Variants in ITPR2 observed in about 807,000 individuals in gnomAD.
ITPR2 encodes the protein inositol 1,4,5-trisphosphate-gated calcium channel ITPR2.
In ITPR2, 207 loss-of-function variants were observed where a neutral mutation model predicts 317.1. The ratio of observed to expected loss-of-function variants is 0.65; its 90% CI spans 0.58 to 0.73. The LOEUF (loss-of-function observed/expected upper bound fraction) is 0.73, where lower values mean the gene tolerates loss of function less well. Ranked by LOEUF, ITPR2 falls within the 30% of genes least tolerant of loss-of-function variation. ITPR2 has a pLI of 0.00. For missense variants in ITPR2, 2,613 were observed against 3,284.0 expected (o/e 0.80, Z 4.99); for synonymous variants, 1,156 against 1,149.1 (o/e 1.01, Z -0.12).
chr12:26,356,032 T>G (rs915418469), intron 55 of ITPR2, among the ~76,000 whole-genome samples: 1 of 152,354 alleles, frequency 6.6e-6, no homozygotes, highest in African/African-American at 2.4e-5. Context: ...AAATCTGAAT[T>G]GAGTACAGAC....
intron 39 of ITPR2, among the ~76,000 whole-genome samples, chr12:26,492,941 A>T (rs1475759844): frequency 6.7e-6 from 1 of 149,846 alleles, no homozygotes; most frequent in Non-Finnish European, 1.5e-5. Context: ...ATATATATAT[A>T]TAAAAGCATC....
At chr12:26,552,479 G>A (rs1173034034) in intron 36 of ITPR2, among the ~76,000 whole-genome samples, 2 of 152,180 alleles carry the variant, frequency 1.3e-5, no homozygotes, top group African/African-American at 4.8e-5. Context: ...ATCACACCCA[G>A]CTCAATGGTG....
At chr12:26,769,784 G>T (rs1949806572) in intron 2 of ITPR2, among the ~76,000 whole-genome samples, 1 of 152,082 alleles carries the variant, frequency 6.6e-6, no homozygotes, top group South Asian at 2.1e-4. Context: ...TGACACAAGA[G>T]AAGACCGGAT....
intron 55 of ITPR2, among the ~76,000 whole-genome samples, chr12:26,367,073 G>A (rs560456640): frequency 5.5e-4 from 84 of 152,292 alleles, no homozygotes; most frequent in African/African-American, 1.9e-3. Context: ...CAGAGTGACT[G>A]TAGTGGCTTC....
intron 2 of ITPR2, among the ~76,000 whole-genome samples, chr12:26,735,148 GC>G (rs2137070374): frequency 6.6e-6 from 1 of 152,184 alleles, no homozygotes; most frequent in African/African-American, 2.4e-5. Flanking sequence ...TTACAGGCAT[GC>G]ATCACCACAC....
chr12:26,657,862 C>T lies in ITPR2; in HGVS notation c.2037G>A (p.Met679Ile), dbSNP rs777460753. The change falls in exon 18 of 57, where the codon ATG becomes ATA. Residue 679 changes from methionine (M) to isoleucine (I), a missense_variant. Met to Ile is a conservative substitution (Grantham distance 10). Transcript: ENST00000381340. Reference sequence around the variant, plus strand: ...TGTCATCTGAAAGGATGGAGCTCTCCATGGGGTTGTCTGCTTGCATTGAGA... The same window carrying T: ...TGTCATCTGAAAGGATGGAGCTCTCTATGGGGTTGTCTGCTTGCATTGAGA... Reference protein sequence around the residue: ...KVVSMQADNPMESSILSDDID... With the variant: ...KVVSMQADNPIESSILSDDID... 3 of 1,614,118 alleles carry T rather than the reference C, an allele frequency of 1.9e-6. No homozygotes were observed. The highest frequency in any genetic ancestry group is 2.7e-5 in the African/African-American group (2 of 75,042).
intron 21 of ITPR2, among the ~76,000 whole-genome samples, chr12:26,640,617 ATC>A (rs1225770920): frequency 2.0e-5 from 3 of 152,168 alleles, no homozygotes; most frequent in Non-Finnish European, 4.4e-5. Context: ...ATAAATCTGA[ATC>A]TCTGTTATTG....
intron 55 of ITPR2, among the ~76,000 whole-genome samples, chr12:26,352,221 T>C (rs1938505535): frequency 6.6e-6 from 1 of 152,168 alleles, no homozygotes; most frequent in Non-Finnish European, 1.5e-5. Context: ...TTGCCTGAGA[T>C]TTTCATATGG....
intron 34 of ITPR2, among the ~76,000 whole-genome samples, chr12:26,576,697 T>C (rs559285927): frequency 6.6e-6 from 1 of 152,176 alleles, no homozygotes; most frequent in East Asian, 1.9e-4. Context: ...AAGGAGTGTA[T>C]CCATGCAAAG....
intron 45 of ITPR2, among the ~76,000 whole-genome samples, chr12:26,467,643 T>C (rs1229180044): frequency 6.6e-6 from 1 of 152,160 alleles, no homozygotes; most frequent in Admixed American, 6.5e-5. Context: ...CTCTAATAAT[T>C]ATGTCACTCA....
chr12:26,696,325 C>T (rs1948349829), intron 9 of ITPR2, among the ~76,000 whole-genome samples: 1 of 152,176 alleles, frequency 6.6e-6, no homozygotes, highest in Non-Finnish European at 1.5e-5. Flanking sequence ...TAGTTGATCA[C>T]TCGTAAAGCA....
At chr12:26,608,113 T>A (rs989328485) in intron 26 of ITPR2, among the ~76,000 whole-genome samples, 1 of 152,108 alleles carries the variant, frequency 6.6e-6, no homozygotes, top group African/African-American at 2.4e-5. Context: ...AGAGTGAGAC[T>A]CTGTTTCAAA....
intron 26 of ITPR2, among the ~76,000 whole-genome samples, chr12:26,605,825 T>C (rs150625111): frequency 6.6e-6 from 1 of 152,318 alleles, no homozygotes; most frequent in East Asian, 1.9e-4. Context: ...CAACCCCTTT[T>C]AATTTCAGAA....
chr12:26,564,393 T>C (rs1944895774), intron 34 of ITPR2, among the ~76,000 whole-genome samples: 1 of 152,208 alleles, frequency 6.6e-6, no homozygotes, highest in Non-Finnish European at 1.5e-5. Context: ...GTCCACAATA[T>C]GTTAAACAGG....
chr12:26,731,270 G>C (rs962902780), intron 2 of ITPR2, among the ~76,000 whole-genome samples: 2 of 152,158 alleles, frequency 1.3e-5, no homozygotes, highest in Admixed American at 6.5e-5. Flanking sequence ...AGGGAACATG[G>C]TTACCAAGGG....
chr12:26,364,132 A>T (rs191402513), intron 55 of ITPR2, among the ~76,000 whole-genome samples: 1 of 152,076 alleles, frequency 6.6e-6, no homozygotes. Context: ...AATAAAAAAT[A>T]TGGCGGGTCA....
rs115380417 is a variant in ITPR2 at position 26,789,519 on chromosome 12, T to C, written c.163+638A>G. On this transcript the variant is annotated intron_variant, in intron 2 of 56. Transcript: ENST00000381340. The stretch of plus-strand genomic sequence containing the variant: ...TTAAAATTATTTTTATTATTATAAT[T>C]ATGTACCAATTATGAAATTGATTTG... Among the ~76,000 whole-genome samples the C allele has an allele frequency of 1.5e-3, 223 of 152,330 alleles. 1 individual carries two copies. The highest frequency in any genetic ancestry group is 5.1e-3 in the African/African-American group (213 of 41,568).
intron 45 of ITPR2, among the ~76,000 whole-genome samples, chr12:26,456,780 C>A (rs539946875): frequency 6.6e-6 from 1 of 152,298 alleles, no homozygotes; most frequent in African/African-American, 2.4e-5. Context: ...TCAAGCGATT[C>A]TCTTGCCTCA....
intron 49 of ITPR2, among the ~76,000 whole-genome samples, chr12:26,424,571 T>A (rs1157083243): frequency 6.7e-6 from 1 of 149,572 alleles, no homozygotes; most frequent in Non-Finnish European, 1.5e-5. Flanking sequence ...TTTTTGGTTT[T>A]TGTTTTCGTT....
Sources: allele counts gnomAD v4.1 joint callset (sites outside exome capture counted in the v4.1 genomes callset), GRCh38; gene constraint gnomAD v4.1.1; transcripts MANE v1.5; gene names NCBI Gene and HGNC (gene_info 2026-07-23, HGNC 2026-07-21).